The following PHYHIPL variants were observed in gnomAD, a reference collection of about 807,000 sequenced individuals.
The protein encoded by PHYHIPL is phytanoyl-CoA hydroxylase-interacting protein-like.
In PHYHIPL, 9 loss-of-function variants were observed where a neutral mutation model predicts 33.4. The ratio of observed to expected loss-of-function variants is 0.27; its 90% CI spans 0.16 to 0.47. PHYHIPL has a LOEUF of 0.47. Ranked by LOEUF, PHYHIPL falls within the 20% of genes least tolerant of loss-of-function variation. The pLI is 0.99. For missense variants in PHYHIPL, 365 were observed against 460.7 expected (o/e 0.79, Z 1.90); for synonymous variants, 153 against 154.1 (o/e 0.99, Z 0.05).
intron 1 of PHYHIPL, among the ~76,000 whole-genome samples, chr10:59,178,242 C>A (rs960332015): frequency 3.3e-5 from 5 of 151,636 alleles, no homozygotes; most frequent in Admixed American, 2.0e-4. Context: ...GAAACCAAAA[C>A]CACTTTAATT....
At chr10:59,197,154 G>A (rs1275609202) in intron 1 of PHYHIPL, among the ~76,000 whole-genome samples, 2 of 152,126 alleles carry the variant, frequency 1.3e-5, no homozygotes, top group Non-Finnish European at 2.9e-5. Context: ...TTGACCTTCA[G>A]GGGCATTCTT....
rs982119117 is a variant in PHYHIPL at position 59,236,695 on chromosome 10, T to G, written c.478+38T>G. ...GGTACAAATATAGAAAAGCTTTAGT[T>G]GTTCTGGGAAAGCTAATTATAGAAA... On this transcript the variant is annotated intron_variant, in intron 3 of 4. Transcript: ENST00000373880. The G allele has an allele frequency of 2.0e-6, 3 of 1,465,500 alleles. No individual in the cohort carries two copies. The African/African-American group carries it at 4.3e-5, about 21-fold the overall frequency. The allele number at this position is 1,465,500 out of a possible 1,614,324, so 90.8% of individuals were successfully genotyped here. A position where few individuals can be genotyped will look rare whatever the true frequency, so the allele number is the denominator to read the frequency against.
chr10:59,227,096 C>A (rs1033092153), intron 1 of PHYHIPL, among the ~76,000 whole-genome samples: 2 of 152,022 alleles, frequency 1.3e-5, no homozygotes, highest in Non-Finnish European at 2.9e-5. Context: ...AAGCAGGATG[C>A]AAAAGTATTT....
At chr10:59,238,800 A>C (rs1353817707) in intron 4 of PHYHIPL, 95 bp downstream of exon 4, 2 of 648,444 alleles carry the variant, frequency 3.1e-6, no homozygotes, top group Non-Finnish European at 5.2e-6. Context: ...TCGAATAGCA[A>C]TTCTAGATTT....
At chr10:59,204,551 C>T (rs184482969) in intron 1 of PHYHIPL, among the ~76,000 whole-genome samples, 3 of 152,156 alleles carry the variant, frequency 2.0e-5, no homozygotes, top group African/African-American at 7.2e-5. Flanking sequence ...TGGTTTCATT[C>T]CCATGTCAAC....
chr10:59,177,637 T>C, intron 1 of PHYHIPL: 1 of 1,551,426 alleles, frequency 6.4e-7, no homozygotes, highest in Non-Finnish European at 8.7e-7. Context: ...CATTGCGTGT[T>C]GATATTATAT....
intron 1 of PHYHIPL, among the ~76,000 whole-genome samples, chr10:59,203,678 A>G (rs1681696099): frequency 6.6e-6 from 1 of 151,328 alleles, no homozygotes; most frequent in African/African-American, 2.4e-5. Context: ...CAGAAAGCCA[A>G]ACACCACATG....
Position 59,234,433 on chromosome 10 carries a change from G to A in PHYHIPL, c.236G>A (p.Arg79His), listed in dbSNP as rs776129253. 5.6e-6 allele frequency: 9 copies of A among 1,599,998 alleles called. No homozygotes were observed. Among genetic ancestry groups the A allele is most frequent in the East Asian group, 2.3e-5 (1 of 44,052 alleles). Residue 79 changes from arginine (R) to histidine (H), a missense_variant, in exon 2 of 5, where the codon CGC becomes CAC. Physicochemically the swap from Arg to His is conservative, Grantham distance 29. Transcript: ENST00000373880. ...GAAATGGATTCAAAATCAAAGGATC[G>A]CATTACACACTATTTTATTGACCTC... ...SWEMDSKSKD[R>H]ITHYFIDLNK...
rs1840696437 is a variant in PHYHIPL at position 59,246,237 on chromosome 10, C to A, written c.*646C>A. ...AGCAACTGTGTACATGTCACGAAAC[C>A]ATTTCCCTTATCAAAGATGTAATTT... On this transcript the variant is annotated 3_prime_UTR_variant, in exon 5 of 5. Coordinates refer to ENST00000373880, the MANE Select transcript of PHYHIPL (RefSeq NM_032439.4). 1 of 155,494 alleles carries A rather than the reference C, an allele frequency of 6.4e-6. No individual in the cohort carries two copies. The highest frequency in any genetic ancestry group is 1.4e-5 in the Non-Finnish European group (1 of 70,162). 9.6% of individuals were successfully genotyped at this position (155,494 alleles called of 1,614,324 possible).
In PHYHIPL at chr10:59,199,000, G is replaced by C. The variant is rs552605195; in HGVS notation, c.106+22041G>C. On this transcript the variant is annotated intron_variant, in intron 1 of 4. Coordinates refer to ENST00000373880, the MANE Select transcript of PHYHIPL (RefSeq NM_032439.4). ...GATTGCGAAAATTTTCTCCCATTCT[G>C]TACGTTGCCTGTTCACTCTGATGGT... is the stretch of plus-strand genomic sequence containing the variant. Among the ~76,000 whole-genome samples, 177 of 152,110 alleles carry C rather than the reference G, an allele frequency of 1.2e-3. 8 individuals are homozygous for C. In the South Asian group the frequency reaches 0.037, roughly 32 times the overall value.
At chr10:59,218,363 A>T (rs559660778) in intron 1 of PHYHIPL, among the ~76,000 whole-genome samples, 1 of 152,308 alleles carries the variant, frequency 6.6e-6, no homozygotes, top group South Asian at 2.1e-4. Context: ...TATAAGGTGA[A>T]TTACTTGAGA....
rs1839868838 is a variant in PHYHIPL at position 59,224,497 on chromosome 10, A to AACAC, written c.107-9806_107-9805insCACA. ...AAACAAAACAAAACAAAACAAAACA[A>AACAC]AAAACAAAACAAAAAACAAAACAAA... On this transcript the variant is annotated intron_variant, in intron 1 of 4. Coordinates refer to ENST00000373880, the MANE Select transcript of PHYHIPL (RefSeq NM_032439.4). Among the ~76,000 whole-genome samples, 5 of 70,506 alleles carry AACAC rather than the reference A, an allele frequency of 7.1e-5. No homozygotes were observed. In the South Asian group the frequency reaches 1.8e-3, roughly 25 times the overall value. The allele number at this position is 70,506 out of a possible 152,430, so 46.3% of individuals were successfully genotyped here. A position where few individuals can be genotyped will look rare whatever the true frequency, so the allele number is the denominator to read the frequency against.
chr10:59,237,862 A>AT (rs1328458161), intron 3 of PHYHIPL, among the ~76,000 whole-genome samples: 1 of 151,820 alleles, frequency 6.6e-6, no homozygotes, highest in Non-Finnish European at 1.5e-5. Flanking sequence ...ATAATAATAT[A>AT]TTTTTTATCT....
At chr10:59,180,898 A>G (rs894694112) in intron 1 of PHYHIPL, among the ~76,000 whole-genome samples, 1 of 152,190 alleles carries the variant, frequency 6.6e-6, no homozygotes, top group Non-Finnish European at 1.5e-5. Flanking sequence ...GCAGACATCT[A>G]AGAGGAGTAC....
chr10:59,178,977 A>G (rs1414701768), intron 1 of PHYHIPL, among the ~76,000 whole-genome samples: 1 of 152,156 alleles, frequency 6.6e-6, no homozygotes, highest in Non-Finnish European at 1.5e-5. Context: ...GTTTTATTTT[A>G]TAAAATAGTA....
chr10:59,221,522 C>T (rs1839775727), intron 1 of PHYHIPL, among the ~76,000 whole-genome samples: 1 of 151,998 alleles, frequency 6.6e-6, no homozygotes. Flanking sequence ...TGATCACATC[C>T]ATTTAAAATT....
At chr10:59,228,142 G>A (rs1283811804) in intron 1 of PHYHIPL, among the ~76,000 whole-genome samples, 1 of 152,006 alleles carries the variant, frequency 6.6e-6, no homozygotes, top group African/African-American at 2.4e-5. Flanking sequence ...GCCCCCAAAT[G>A]TACTTAGAAT....
intron 1 of PHYHIPL, among the ~76,000 whole-genome samples, chr10:59,193,121 A>G (rs547682052): frequency 1.1e-4 from 17 of 152,270 alleles, no homozygotes; most frequent in African/African-American, 3.6e-4. Flanking sequence ...CATTAGAGTG[A>G]GTACATTAGA....
At chr10:59,207,312 G>A (rs1430699298) in intron 1 of PHYHIPL, among the ~76,000 whole-genome samples, 3 of 152,162 alleles carry the variant, frequency 2.0e-5, no homozygotes, top group Non-Finnish European at 2.9e-5. Flanking sequence ...GCCTCACCTG[G>A]GAAGCGCAAG....
Sources: allele counts gnomAD v4.1 joint callset (sites outside exome capture counted in the v4.1 genomes callset), GRCh38; gene constraint gnomAD v4.1.1; transcripts MANE v1.5; gene names NCBI Gene and HGNC (gene_info 2026-07-23, HGNC 2026-07-21).